Variants in QTGAL observed in about 807,000 individuals in gnomAD.
QTGAL encodes BGnT-like protein 1.
chr17:82,992,103 C>A, the QTGAL span, among the ~76,000 whole-genome samples: 29 of 151,898 alleles, frequency 1.9e-4, no homozygotes, highest in African/African-American at 7.0e-4. Context: ...AGTTATTGGC[C>A]CTAAAAAGGA....
chr17:82,970,220 C>G, the QTGAL span, among the ~76,000 whole-genome samples: 1 of 152,212 alleles, frequency 6.6e-6, no homozygotes, highest in African/African-American at 2.4e-5. Context: ...CACCTGGTGC[C>G]AGTTCCAGGC....
At chr17:83,007,040 T>C in the QTGAL span, 1 of 387,394 alleles carries the variant, frequency 2.6e-6, no homozygotes, top group Non-Finnish European at 3.5e-6. Context: ...TAACACAGGC[T>C]CCCTGAAGGC....
the QTGAL span, among the ~76,000 whole-genome samples, chr17:82,983,912 TAAG>T: frequency 2.0e-5 from 3 of 152,124 alleles, no homozygotes; most frequent in Non-Finnish European, 4.4e-5. Flanking sequence ...GTTGTCCTTA[TAAG>T]AAGAGGAAGA....
the QTGAL span, among the ~76,000 whole-genome samples, chr17:82,997,930 A>AAAATAT: frequency 3.8e-4 from 50 of 131,628 alleles, no homozygotes; most frequent in East Asian, 1.8e-3. Context: ...TAAAAAAAAA[A>AAAATAT]ATATATATAT....
At chr17:82,957,029 C>A in the QTGAL span, 1 of 1,152,290 alleles carries the variant, frequency 8.7e-7, no homozygotes, top group Non-Finnish European at 1.3e-6. Context: ...GCGGGGTTCT[C>A]CCCCCAAGAA....
At chr17:82,989,622 G>A in the QTGAL span, among the ~76,000 whole-genome samples, 150 of 152,010 alleles carry the variant, frequency 9.9e-4, no homozygotes, top group African/African-American at 3.6e-3. Context: ...ATTTACTAAG[G>A]AAGTTTCAAC....
the QTGAL span, among the ~76,000 whole-genome samples, chr17:83,041,323 A>G: frequency 4.6e-5 from 7 of 152,224 alleles, no homozygotes; most frequent in Non-Finnish European, 1.0e-4. Context: ...AAGCAGAAAA[A>G]AAGTTTGAAA....
chr17:83,010,931 C>T, the QTGAL span, among the ~76,000 whole-genome samples: 3 of 152,206 alleles, frequency 2.0e-5, no homozygotes, highest in African/African-American at 4.8e-5. Flanking sequence ...TCCCAGTGCA[C>T]GAGGGTGGGT....
the QTGAL span, among the ~76,000 whole-genome samples, chr17:83,008,043 G>C: frequency 6.6e-6 from 1 of 152,218 alleles, no homozygotes; most frequent in Non-Finnish European, 1.5e-5. Context: ...GCTCTCAAGA[G>C]GAGGCGCAGG....
the QTGAL span, among the ~76,000 whole-genome samples, chr17:82,970,787 C>T: frequency 3.9e-5 from 6 of 152,242 alleles, no homozygotes; most frequent in Non-Finnish European, 8.8e-5. Flanking sequence ...ACATGACATT[C>T]TGGAGACTTG....
chr17:83,047,326 C>G, the QTGAL span, among the ~76,000 whole-genome samples: 2 of 152,202 alleles, frequency 1.3e-5, no homozygotes, highest in African/African-American at 2.4e-5. Flanking sequence ...AAGTCCCCAC[C>G]TAATGTCATC....
chr17:82,983,397 C>G, the QTGAL span, among the ~76,000 whole-genome samples: 2 of 152,162 alleles, frequency 1.3e-5, no homozygotes, highest in African/African-American at 4.8e-5. Flanking sequence ...TGGGGGGAAG[C>G]AGTTTTTCAT....
chr17:83,017,135 G>A, the QTGAL span, among the ~76,000 whole-genome samples: 1 of 152,192 alleles, frequency 6.6e-6, no homozygotes, highest in Non-Finnish European at 1.5e-5. Flanking sequence ...ATGTGTGGGA[G>A]CTGAGGAGAT....
chr17:82,961,450 G>C, the QTGAL span: 1 of 486,190 alleles, frequency 2.1e-6, no homozygotes, highest in Non-Finnish European at 3.7e-6. Context: ...AGCAGTAAAG[G>C]TCTCAGGGCA....
chr17:82,947,706 G>A, the QTGAL span: 1 of 152,406 alleles, frequency 6.6e-6, no homozygotes, highest in Non-Finnish European at 1.5e-5. Context: ...TTGGTCCTTG[G>A]GCCCAGCAGG....
At chr17:83,032,732 A>C in the QTGAL span, among the ~76,000 whole-genome samples, 2 of 152,220 alleles carry the variant, frequency 1.3e-5, no homozygotes, top group East Asian at 3.8e-4. Context: ...GTTCTGTGTA[A>C]GAAAACGGGA....
the QTGAL span, among the ~76,000 whole-genome samples, chr17:83,016,474 T>G: frequency 1.6e-5 from 2 of 126,710 alleles, no homozygotes; most frequent in African/African-American, 3.1e-5. Flanking sequence ...TAAAGGAGGG[T>G]GGAGAATGGA....
chr17:83,017,738 A>G, the QTGAL span, among the ~76,000 whole-genome samples: 2 of 152,358 alleles, frequency 1.3e-5, no homozygotes, highest in Non-Finnish European at 2.9e-5. Flanking sequence ...GTGTGCCTGC[A>G]TCGAGTACCA....
chr17:83,013,315 C>T, the QTGAL span, among the ~76,000 whole-genome samples: 5 of 151,416 alleles, frequency 3.3e-5, no homozygotes, highest in African/African-American at 4.9e-5. Flanking sequence ...TCACGTGAGA[C>T]GCAAACCTCC....
Sources: gnomAD v4.1 joint callset for allele counts (sites outside exome capture counted in the v4.1 genomes callset) on GRCh38, gnomAD v4.1.1 for gene constraint, MANE v1.5 for transcripts, NCBI Gene and HGNC (gene_info 2026-07-23, HGNC 2026-07-21) for gene names.